The following GLI4 variants were observed in gnomAD, a reference collection of about 807,000 sequenced individuals.
GLI4 encodes zinc finger protein GLI4.
A neutral mutation model predicts 30.9 loss-of-function variants in GLI4; 34 were observed. The ratio of observed to expected loss-of-function variants is 1.10; its 90% CI spans 0.84 to 1.47. The LOEUF (loss-of-function observed/expected upper bound fraction) is 1.47, where lower values mean the gene tolerates loss of function less well. Ranked by LOEUF, GLI4 falls within the 40% of genes most tolerant of loss-of-function variation. The pLI is 0.00. For missense variants in GLI4, 696 were observed against 538.9 expected (o/e 1.29, Z -2.89); for synonymous variants, 277 against 236.7 (o/e 1.17, Z -1.56).
At chr8:143,272,106 G>A (rs927542761) in intron 2 of GLI4, among the ~76,000 whole-genome samples, 1 of 152,230 alleles carries the variant, frequency 6.6e-6, no homozygotes, top group Non-Finnish European at 1.5e-5. Flanking sequence ...GGGGCAGTCT[G>A]GGCAGGAAGA....
chr8:143,268,145 T>A, intron 1 of GLI4: 1 of 941,540 alleles, frequency 1.1e-6, no homozygotes, highest in South Asian at 4.9e-5. Context: ...GTGGAGGACC[T>A]GCACCCAGTG....
chr8:143,268,521 G>A (rs1815191102), intron 1 of GLI4, among the ~76,000 whole-genome samples: 1 of 152,216 alleles, frequency 6.6e-6, no homozygotes, highest in South Asian at 2.1e-4. Flanking sequence ...TGAGGGCTCT[G>A]TAGGGTCTGA....
At position 143,274,986 on chromosome 8, in the gene GLI4, C is replaced by G. The variant is rs1452235904; in HGVS notation, c.223+184C>G. On this transcript the variant is annotated intron_variant, in intron 3 of 3. Coordinates refer to ENST00000340042, the MANE Select transcript of GLI4 (RefSeq NM_138465.4). ...CCCCACTCTAATGCCAGTCCAGTTACTGATGCTTCCCGAGGCGGTGACTGC... is the reference window on the plus strand; with the variant it reads ...CCCCACTCTAATGCCAGTCCAGTTAGTGATGCTTCCCGAGGCGGTGACTGC... 2.0e-6 allele frequency: 3 copies of G among 1,494,588 alleles called. No individual in the cohort carries two copies. In the East Asian group the frequency reaches 7.4e-5, roughly 37 times the overall value. 92.6% of individuals were successfully genotyped at this position (1,494,588 alleles called of 1,614,324 possible).
In GLI4 at chr8:143,276,665, C is replaced by A. The variant is rs970916149; in HGVS notation, c.992C>A (p.Ala331Asp). The change falls in exon 4 of 4, where the codon GCC (alanine) becomes GAC (aspartate). Residue 331 changes from alanine to aspartate, a missense_variant. Transcript: ENST00000340042. The part of the protein sequence containing the change: ...KPYECSDCGK[A>D]FRGRSHFFRH... ...TACGAGTGCTCCGACTGCGGCAAAG[C>A]CTTCCGCGGCCGCTCGCACTTCTTC... The A allele has an allele frequency of 6.8e-6, 11 of 1,611,280 alleles. No individual in the cohort carries two copies. The highest frequency in any genetic ancestry group is 9.3e-6 in the Non-Finnish European group (11 of 1,179,250).
At chr8:143,268,213 A>T in intron 1 of GLI4, 1 of 467,370 alleles carries the variant, frequency 2.1e-6, no homozygotes, top group Non-Finnish European at 2.8e-6. Context: ...CTGGCCCAGA[A>T]GCCGGGCACT....
chr8:143,268,086 C>T (rs1029333977), intron 1 of GLI4: 2 of 985,356 alleles, frequency 2.0e-6, no homozygotes, highest in Non-Finnish European at 2.4e-6. Context: ...GGCCCTTTTA[C>T]CAGGTGTCCC....
chr8:143,274,958 C>T, intron 3 of GLI4, 156 bp downstream of exon 3: 1 of 1,479,292 alleles, frequency 6.8e-7, no homozygotes, highest in South Asian at 1.3e-5. Context: ...CCCGTGGCCC[C>T]TCCCCCACTC....
At position 143,267,824 on chromosome 8, in the gene GLI4, G is replaced by A. The variant is rs549352066; in HGVS notation, c.-38+340G>A. 12 of 985,430 alleles carry A rather than the reference G, an allele frequency of 1.2e-5. No homozygotes were observed. The South Asian group carries it at 5.6e-4, about 46-fold the overall frequency. 61.0% of individuals were successfully genotyped at this position (985,430 alleles called of 1,614,324 possible). On this transcript the variant is annotated intron_variant, in intron 1 of 3. Transcript: ENST00000340042. The stretch of plus-strand genomic sequence containing the variant: ...AGGTCCCGCCGCTCCGGAGCGAGGA[G>A]CCGCCGGACCCCAGCGCCGCACCGC...
At chr8:143,267,703 C>T (rs867912641) in intron 1 of GLI4, 63 of 985,256 alleles carry the variant, frequency 6.4e-5, no homozygotes, top group Middle Eastern at 5.2e-4. Flanking sequence ...GCGGCCCTGG[C>T]GATAGCGGGT....
chr8:143,276,661 A>C lies in GLI4; in HGVS notation c.988A>C (p.Lys330Gln). ...EKPYECSDCG[K>Q]AFRGRSHFFR... The stretch of plus-strand genomic sequence containing the variant: ...GCCCTACGAGTGCTCCGACTGCGGC[A>C]AAGCCTTCCGCGGCCGCTCGCACTT... Residue 330 changes from lysine to glutamine, a missense_variant, in exon 4 of 4, where the codon AAA becomes CAA. Physicochemically the swap from Lys to Gln is moderately conservative, Grantham distance 53. Transcript: ENST00000340042. 4 of 1,611,942 alleles carry C rather than the reference A, an allele frequency of 2.5e-6. No homozygotes were observed. Among genetic ancestry groups the C allele is most frequent in the Admixed American group, 1.7e-5 (1 of 59,892 alleles).
At chr8:143,272,031 G>A (rs1416846352) in intron 2 of GLI4, among the ~76,000 whole-genome samples, 5 of 152,206 alleles carry the variant, frequency 3.3e-5, no homozygotes, top group African/African-American at 9.6e-5. Flanking sequence ...CCAAGGCCAC[G>A]CCCACCAGAG....
At chr8:143,270,669 T>C (rs34619577) in intron 2 of GLI4, among the ~76,000 whole-genome samples, 2,528 of 152,300 alleles carry the variant, frequency 0.017, 35 homozygotes, top group Non-Finnish European at 0.027. Flanking sequence ...TCATGTCATC[T>C]GTACAATGGC....
At chr8:143,272,112 G>A (rs1815280998) in intron 2 of GLI4, among the ~76,000 whole-genome samples, 2 of 152,240 alleles carry the variant, frequency 1.3e-5, no homozygotes, top group Admixed American at 6.5e-5. Flanking sequence ...GTCTGGGCAG[G>A]AAGAAGTGAG....
intron 1 of GLI4, among the ~76,000 whole-genome samples, chr8:143,268,850 C>CTGT (rs2129660508): frequency 6.9e-6 from 1 of 145,488 alleles, no homozygotes; most frequent in South Asian, 2.2e-4. Flanking sequence ...GCTGCTGCTG[C>CTGT]TGCTGCTGCT....
intron 1 of GLI4, 105 bp from the exon 2 acceptor site, chr8:143,269,255 A>C: frequency 2.4e-6 from 2 of 824,394 alleles, no homozygotes; most frequent in South Asian, 3.2e-5. Context: ...TGGAGTGGAT[A>C]AACCTCCATC....
chr8:143,276,209 G>A lies in GLI4; in HGVS notation c.536G>A (p.Gly179Glu), dbSNP rs1366817978. Reference protein sequence around the residue: ...FGRSRQGSARGAKPHRCEACG... With the variant: ...FGRSRQGSAREAKPHRCEACG... ...CGGAGCCGGCAGGGCAGCGCGCGGGGGGCCAAGCCGCACAGGTGCGAGGCC... is the reference window on the plus strand; with the variant it reads ...CGGAGCCGGCAGGGCAGCGCGCGGGAGGCCAAGCCGCACAGGTGCGAGGCC... The change falls in exon 4 of 4, where the codon GGG (glycine) becomes GAG (glutamate). Residue 179 changes from glycine (G) to glutamate (E), a missense_variant. Coordinates refer to ENST00000340042, the MANE Select transcript of GLI4 (RefSeq NM_138465.4). The A allele has an allele frequency of 5.1e-6, 8 of 1,579,224 alleles. No individual in the cohort carries two copies. The highest frequency in any genetic ancestry group is 2.7e-5 in the African/African-American group (2 of 73,804).
At chr8:143,268,814 C>T (rs1291606171) in intron 1 of GLI4, among the ~76,000 whole-genome samples, 4 of 128,506 alleles carry the variant, frequency 3.1e-5, no homozygotes, top group African/African-American at 1.0e-4. Context: ...GCTTCCTAAG[C>T]GCGCCTTCCA....
Position 143,276,412 on chromosome 8 carries a change from G to C in GLI4, c.739G>C (p.Ala247Pro), listed in dbSNP as rs1386243175. ...KPYECGQCGR[A>P]FSHSSHFTQH... ...CTACGAGTGCGGCCAGTGCGGCCGC[G>C]CCTTCAGCCACAGCTCGCACTTCAC... is the stretch of plus-strand genomic sequence containing the variant. Residue 247 changes from alanine to proline, a missense_variant, in exon 4 of 4, where the codon GCC becomes CCC. Transcript: ENST00000340042. 1.9e-6 allele frequency: 3 copies of C among 1,612,142 alleles called. No homozygotes were observed. The highest frequency in any genetic ancestry group is 3.3e-5 in the Admixed American group (2 of 59,950).
rs1226558674 is a variant in GLI4, at chr8:143,276,213, C to T, written c.540C>T (p.Ala180=). 6.3e-7 allele frequency: 1 copy of T among 1,584,260 alleles called. No individual in the cohort carries two copies. Among genetic ancestry groups the T allele is most frequent in the South Asian group, 1.1e-5 (1 of 88,310 alleles). ...GCCGGCAGGGCAGCGCGCGGGGGGC[C>T]AAGCCGCACAGGTGCGAGGCCTGCG... The part of the protein sequence containing the change: ...GRSRQGSARG[A]KPHRCEACGK... The change falls in exon 4 of 4, where the codon GCC becomes GCT. Residue 180 remains alanine, a synonymous_variant. Transcript: ENST00000340042.
Sources: allele counts gnomAD v4.1 joint callset (sites outside exome capture counted in the v4.1 genomes callset), GRCh38; gene constraint gnomAD v4.1.1; transcripts MANE v1.5; gene names NCBI Gene and HGNC (gene_info 2026-07-23, HGNC 2026-07-21).